COBL: variants seen among roughly 807,000 people sequenced by gnomAD.
The protein encoded by COBL is cordon-bleu WH2 repeat protein.
In COBL, 51 loss-of-function variants were observed where a neutral mutation model predicts 98.8. The ratio of observed to expected loss-of-function variants is 0.52; its 90% CI spans 0.41 to 0.65. COBL has a LOEUF of 0.65. Ranked by LOEUF, COBL falls within the 30% of genes least tolerant of loss-of-function variation. COBL has a pLI of 0.00. For missense variants in COBL, 1,617 were observed against 1,617.5 expected (o/e 1.00, Z 0.01); for synonymous variants, 634 against 651.7 (o/e 0.97, Z 0.41).
intron 7 of COBL, among the ~76,000 whole-genome samples, chr7:51,063,066 A>G (rs1430172096): frequency 6.6e-6 from 1 of 152,212 alleles, no homozygotes; most frequent in Non-Finnish European, 1.5e-5. Flanking sequence ...CTTCCTAAGA[A>G]AAAGGAAGAC....
rs557967557 is a variant in COBL at position 51,298,427 on chromosome 7, T to C, written c.41+18166A>G. ...GAGGTGGCCTGCTATTCAGGGCTAA[T>C]TGTGCAGCTTGCTGCCTGTGCATGC... On this transcript the variant is annotated intron_variant, in intron 1 of 12. Coordinates refer to ENST00000265136, the MANE Select transcript of COBL (RefSeq NM_015198.5). Among the ~76,000 whole-genome samples, 231 of 152,360 alleles carry C rather than the reference T, an allele frequency of 1.5e-3. 2 individuals are homozygous for C. The highest frequency in any genetic ancestry group is 6.4e-3 in the South Asian group (31 of 4,822).
intron 1 of COBL, among the ~76,000 whole-genome samples, chr7:51,275,710 A>C (rs1799253182): frequency 6.6e-6 from 1 of 152,196 alleles, no homozygotes; most frequent in Non-Finnish European, 1.5e-5. Context: ...TGAGCTCCGC[A>C]CGCAGCCCAC....
chr7:51,294,819 C>A (rs181584015), intron 1 of COBL, among the ~76,000 whole-genome samples: 250 of 149,838 alleles, frequency 1.7e-3, no homozygotes, highest in Non-Finnish European at 2.5e-3. Context: ...GGTCTATGCT[C>A]CATTTATATA....
At chr7:51,020,232 C>T (rs1010779007) in intron 12 of COBL, among the ~76,000 whole-genome samples, 1 of 152,174 alleles carries the variant, frequency 6.6e-6, no homozygotes, top group African/African-American at 2.4e-5. Context: ...AGGGGAGCTA[C>T]GACCTTGACT....
intron 1 of COBL, among the ~76,000 whole-genome samples, chr7:51,244,160 T>G (rs543996294): frequency 1.3e-5 from 2 of 152,282 alleles, no homozygotes; most frequent in African/African-American, 2.4e-5. Flanking sequence ...TGAAACCCAG[T>G]GCACAACCTG....
chr7:51,083,116 C>T (rs1458124043), intron 7 of COBL: 2 of 1,532,684 alleles, frequency 1.3e-6, no homozygotes, highest in East Asian at 2.5e-5. Context: ...AGCTGAGAGG[C>T]TCCACCACGT....
intron 2 of COBL, among the ~76,000 whole-genome samples, chr7:51,202,725 T>G (rs1326225446): frequency 6.6e-6 from 1 of 152,186 alleles, no homozygotes; most frequent in Non-Finnish European, 1.5e-5. Flanking sequence ...GGGAAGTTTA[T>G]AGCAGTAAGA....
In COBL at chr7:51,080,513, T is replaced by C. The variant is rs1315283713; in HGVS notation, c.1096+4653A>G. 2.6e-5 allele frequency among the ~76,000 whole-genome samples: 4 copies of C among 152,268 alleles called. No individual in the cohort carries two copies. In the East Asian group the frequency reaches 7.8e-4, roughly 30 times the overall value. On this transcript the variant is annotated intron_variant, in intron 7 of 12. Coordinates refer to ENST00000265136, the MANE Select transcript of COBL (RefSeq NM_015198.5). ...AAGAGAAACCCCTCTGTACCGCTTA[T>C]GGTGGTAAGGCCTCCTGCCTCGGTT...
intron 2 of COBL, among the ~76,000 whole-genome samples, chr7:51,213,746 C>T (rs1399686070): frequency 6.6e-6 from 1 of 151,982 alleles, no homozygotes; most frequent in Non-Finnish European, 1.5e-5. Flanking sequence ...GAAGCCACAT[C>T]GCCGGAAACA....
rs185235040 is a variant in COBL at position 51,023,396 on chromosome 7, G to A, written c.3768+1713C>T. ...GGAGACTTTTCTCCCCAGCATCCATGGGTGGGCTGTGCATTCAATGATGAC... is the reference window on the plus strand; with the variant it reads ...GGAGACTTTTCTCCCCAGCATCCATAGGTGGGCTGTGCATTCAATGATGAC... On this transcript the variant is annotated intron_variant, in intron 12 of 12. Coordinates refer to ENST00000265136, the MANE Select transcript of COBL (RefSeq NM_015198.5). 3.9e-5 allele frequency among the ~76,000 whole-genome samples: 6 copies of A among 152,284 alleles called. 1 individual carries two copies. In the East Asian group the frequency reaches 9.7e-4, roughly 25 times the overall value.
chr7:51,276,486 G>A (rs1024942992), intron 1 of COBL, among the ~76,000 whole-genome samples: 4 of 152,204 alleles, frequency 2.6e-5, no homozygotes, highest in African/African-American at 9.7e-5. Context: ...TATCCACTGT[G>A]GGCTTTCTTG....
At chr7:51,032,893 T>TTTACTTGG (rs1788295817) in intron 8 of COBL, 1 of 152,206 alleles carries the variant, frequency 6.6e-6, no homozygotes, top group Admixed American at 6.5e-5. Flanking sequence ...AAAAGAGATT[T>TTTACTTGG]AAATACTTGG....
chr7:51,029,633 C>T (rs750197318), intron 9 of COBL, 42 bp from the exon 10 acceptor site: 1 of 1,504,428 alleles, frequency 6.6e-7, no homozygotes, highest in South Asian at 1.3e-5. Context: ...GTTTCCCACA[C>T]CAATTACTTA....
intron 1 of COBL, among the ~76,000 whole-genome samples, chr7:51,272,039 T>C (rs1798807496): frequency 6.6e-6 from 1 of 152,056 alleles, no homozygotes; most frequent in African/African-American, 2.4e-5. Flanking sequence ...TATAAATAAA[T>C]AAATAAACAA....
chr7:51,270,505 C>T (rs1044370488), intron 1 of COBL, among the ~76,000 whole-genome samples: 3 of 152,132 alleles, frequency 2.0e-5, no homozygotes, highest in Admixed American at 6.5e-5. Context: ...CAAAAACATC[C>T]GGCTTCCTTA....
At chr7:51,289,209 T>C (rs145938565) in intron 1 of COBL, among the ~76,000 whole-genome samples, 174 of 152,364 alleles carry the variant, frequency 1.1e-3, no homozygotes, top group African/African-American at 3.9e-3. Context: ...AATGATGTTA[T>C]AACAATTGGG....
In COBL at chr7:51,255,180, T is replaced by C. The variant is rs572149800; in HGVS notation, c.42-35236A>G. Among the ~76,000 whole-genome samples the C allele has an allele frequency of 2.6e-5, 4 of 152,288 alleles. No individual in the cohort carries two copies. The South Asian group carries it at 8.3e-4, about 32-fold the overall frequency. ...CTTGCGTATAAACAAACATTTAAAA[T>C]ACATGATGCAATTAAGAGAAGAATA... On this transcript the variant is annotated intron_variant, in intron 1 of 12. Transcript: ENST00000265136.
At chr7:51,082,975 A>T (rs1387283911) in intron 7 of COBL, 1 of 1,342,244 alleles carries the variant, frequency 7.5e-7, no homozygotes, top group Non-Finnish European at 1.0e-6. Flanking sequence ...CAAGAATGGA[A>T]AATCTGGAAA....
At chr7:51,174,404 T>C (rs1046984728) in intron 5 of COBL, among the ~76,000 whole-genome samples, 1 of 151,928 alleles carries the variant, frequency 6.6e-6, no homozygotes, top group African/African-American at 2.4e-5. Flanking sequence ...AATAACAAAT[T>C]ATCCAATAAA....
Sources: allele counts gnomAD v4.1 joint callset (sites outside exome capture counted in the v4.1 genomes callset), GRCh38; gene constraint gnomAD v4.1.1; transcripts MANE v1.5; gene names NCBI Gene and HGNC (gene_info 2026-07-23, HGNC 2026-07-21).